ZMYM2: variants seen among roughly 807,000 people sequenced by gnomAD.
ZMYM2 encodes the protein zinc finger MYM-type protein 2.
In ZMYM2, 56 loss-of-function variants were observed where a neutral mutation model predicts 162.8. The ratio of observed to expected loss-of-function variants is 0.34; its 90% confidence interval spans 0.28 to 0.43. The LOEUF (loss-of-function observed/expected upper bound fraction) is 0.43, where lower values mean the gene tolerates loss of function less well. Ranked by LOEUF, ZMYM2 falls within the 20% of genes least tolerant of loss-of-function variation. The pLI is 1.00. For missense variants in ZMYM2, 1,275 were observed against 1,621.8 expected (o/e 0.79, Z 3.67); for synonymous variants, 510 against 541.6 (o/e 0.94, Z 0.81).
intron 6 of ZMYM2, among the ~76,000 whole-genome samples, chr13:20,018,630 A>C (rs975248485): frequency 6.6e-6 from 1 of 152,202 alleles, no homozygotes; most frequent in Non-Finnish European, 1.5e-5. Context: ...AGACTGTATA[A>C]TGCTTGTCCT....
the ZMYM2 span, among the ~76,000 whole-genome samples, chr13:19,884,028 G>A: frequency 9.2e-5 from 14 of 152,156 alleles, no homozygotes; most frequent in African/African-American, 3.4e-4. Flanking sequence ...AAAGCGCTGG[G>A]ATCACAGGCA....
chr13:20,072,464 T>C (rs1202452178), intron 21 of ZMYM2, among the ~76,000 whole-genome samples: 1 of 152,138 alleles, frequency 6.6e-6, no homozygotes, highest in Non-Finnish European at 1.5e-5. Context: ...GAGGTTGCAG[T>C]GAGCTGAGAT....
the ZMYM2 span, among the ~76,000 whole-genome samples, chr13:19,912,292 G>GTTTTTTTTTTTTTTTTTTTTGTT: frequency 1.3e-5 from 1 of 75,714 alleles, no homozygotes. Flanking sequence ...TGTTTTTTGG[G>GTTTTTTTTTTTTTTTTTTTTGTT]TTTTTTTTTT....
chr13:20,018,558 T>A (rs1022388058), intron 6 of ZMYM2, among the ~76,000 whole-genome samples: 2 of 152,226 alleles, frequency 1.3e-5, no homozygotes, highest in African/African-American at 2.4e-5. Context: ...GTGCTCTCAT[T>A]GCTCACTTAG....
chr13:20,082,878 T>C lies in ZMYM2; in HGVS notation c.3666T>C (p.Phe1222=). 1.2e-6 allele frequency: 2 copies of C among 1,613,946 alleles called. No individual in the cohort carries two copies. Among genetic ancestry groups the C allele is most frequent in the Non-Finnish European group, 1.7e-6 (2 of 1,179,866 alleles). Residue 1222 remains phenylalanine (F), a synonymous_variant, in exon 23 of 25, where the codon TTT becomes TTC. Transcript: ENST00000610343. The stretch of plus-strand genomic sequence containing the variant: ...CTCTTCTGAATACACTGTTCTACTT[T>C]AACACTAAGTATTTTGGCCTGAAAA... The part of the protein sequence containing the change: ...PVALLNTLFY[F]NTKYFGLKTV...
the ZMYM2 span, among the ~76,000 whole-genome samples, chr13:19,892,961 C>A: frequency 1.3e-5 from 2 of 151,544 alleles, no homozygotes; most frequent in African/African-American, 4.9e-5. Flanking sequence ...GTTCCGCCCA[C>A]CTCAGCCTCC....
In ZMYM2 at chr13:20,066,739, A is replaced by G. The variant is rs981870880; in HGVS notation, c.3133-112A>G. Reference sequence around the variant, plus strand: ...AAGTGGACCCCTGCAGTTCAAACCCATGTTGCTCAAGGGTCAATTGTAATT... The same window carrying G: ...AAGTGGACCCCTGCAGTTCAAACCCGTGTTGCTCAAGGGTCAATTGTAATT... On this transcript the variant is annotated intron_variant, in intron 19 of 24. Transcript: ENST00000610343. The G allele has an allele frequency of 7.5e-6, 8 of 1,073,652 alleles. No individual in the cohort carries two copies. In the African/African-American group the frequency reaches 9.9e-5, roughly 13 times the overall value. 66.5% of individuals were successfully genotyped at this position (1,073,652 alleles called of 1,614,324 possible). A position where few individuals can be genotyped will look rare whatever the true frequency, so the allele number is the denominator to read the frequency against.
At chr13:20,028,706 C>A (rs1364085812) in intron 9 of ZMYM2, among the ~76,000 whole-genome samples, 1 of 151,938 alleles carries the variant, frequency 6.6e-6, no homozygotes, top group Non-Finnish European at 1.5e-5. Context: ...CCCTTAATAT[C>A]TAATGCCATG....
intron 12 of ZMYM2, among the ~76,000 whole-genome samples, chr13:20,042,048 T>C (rs956071742): frequency 3.9e-5 from 6 of 152,192 alleles, no homozygotes; most frequent in African/African-American, 1.4e-4. Flanking sequence ...AGAATGATCT[T>C]TTTATGAAGT....
intron 6 of ZMYM2, among the ~76,000 whole-genome samples, chr13:20,015,413 G>A (rs1332982518): frequency 6.6e-6 from 1 of 152,166 alleles, no homozygotes; most frequent in Non-Finnish European, 1.5e-5. Context: ...CATTTGAGAA[G>A]AATGTTTATT....
the ZMYM2 span, among the ~76,000 whole-genome samples, chr13:19,884,173 G>A: frequency 6.6e-6 from 1 of 152,142 alleles, no homozygotes; most frequent in Admixed American, 6.6e-5. Flanking sequence ...TTTTACAACA[G>A]CCAGGAAACC....
the ZMYM2 span, among the ~76,000 whole-genome samples, chr13:19,911,982 C>T: frequency 6.6e-6 from 1 of 152,174 alleles, no homozygotes; most frequent in East Asian, 1.9e-4. Flanking sequence ...TCTATTTGGC[C>T]CCTGTGCCAG....
intron 14 of ZMYM2, 66 bp downstream of exon 14, chr13:20,052,377 C>A (rs775831181): frequency 1.4e-6 from 2 of 1,430,028 alleles, no homozygotes; most frequent in Non-Finnish European, 9.5e-7. Context: ...AATAATTAGG[C>A]CAATTTAATG....
intron 2 of ZMYM2, among the ~76,000 whole-genome samples, chr13:19,966,966 T>A (rs998660971): frequency 3.3e-5 from 5 of 152,216 alleles, no homozygotes; most frequent in Non-Finnish European, 7.3e-5. Context: ...TGTACGGTTT[T>A]ACATTGCTTA....
the ZMYM2 span, among the ~76,000 whole-genome samples, chr13:19,884,469 T>C: frequency 6.6e-6 from 1 of 151,816 alleles, no homozygotes; most frequent in Non-Finnish European, 1.5e-5. Context: ...TCCCAGCTAC[T>C]CGGGAGGCCG....
At chr13:19,893,826 A>T in the ZMYM2 span, among the ~76,000 whole-genome samples, 1 of 151,748 alleles carries the variant, frequency 6.6e-6, no homozygotes, top group Non-Finnish European at 1.5e-5. Context: ...ATACACAATA[A>T]AAATATATCT....
chr13:20,041,082 GT>G (rs1342859623), intron 12 of ZMYM2, among the ~76,000 whole-genome samples: 1 of 152,112 alleles, frequency 6.6e-6, no homozygotes, highest in Non-Finnish European at 1.5e-5. Flanking sequence ...ATATTCTGTT[GT>G]TTTGGGGTGT....
At chr13:20,045,049 CAAAAAA>C (rs933854935) in intron 12 of ZMYM2, among the ~76,000 whole-genome samples, 1 of 47,458 alleles carries the variant, frequency 2.1e-5, no homozygotes, top group African/African-American at 7.7e-5. Flanking sequence ...GACTCTGTGT[CAAAAAA>C]AAAAAAAAAA....
At chr13:19,975,033 CATTT>C (rs71803599) in intron 2 of ZMYM2, among the ~76,000 whole-genome samples, 12,992 of 151,666 alleles carry the variant, frequency 0.086, 814 homozygotes, top group African/African-American at 0.17. Flanking sequence ...TATTTTTTGT[CATTT>C]ATTCTATTTG....
Sources: gnomAD v4.1 joint callset for allele counts (sites outside exome capture counted in the v4.1 genomes callset) on GRCh38, gnomAD v4.1.1 for gene constraint, MANE v1.5 for transcripts, NCBI Gene and HGNC (gene_info 2026-07-23, HGNC 2026-07-21) for gene names.